ZNF689: variants seen among roughly 807,000 people sequenced by gnomAD.
The protein encoded by ZNF689 is short ORF-encoded histone-binding protein.
In ZNF689, 14 loss-of-function variants were observed where a neutral mutation model predicts 37.2. The observed-to-expected ratio is 0.38, with a 90% CI of 0.25 to 0.59. ZNF689 has a LOEUF of 0.59. ZNF689 is among the 20% of genes least tolerant of loss of function. ZNF689 has a pLI of 0.68. For missense variants in ZNF689, 573 were observed against 700.2 expected (o/e 0.82, Z 2.05); for synonymous variants, 277 against 283.3 (o/e 0.98, Z 0.22).
At chr16:30,609,295 A>G in intron 2 of ZNF689, 1 of 364,856 alleles carries the variant, frequency 2.7e-6, no homozygotes, top group South Asian at 7.0e-5. Flanking sequence ...AAAAAGACGA[A>G]GAATAAGCCC....
rs892547912 is a variant in ZNF689, at chr16:30,602,567, C to G, written c.*1697G>C. The G allele has an allele frequency of 1.3e-5, 2 of 152,188 alleles. No homozygotes were observed. Among genetic ancestry groups the G allele is most frequent in the African/African-American group, 4.8e-5 (2 of 41,440 alleles). 9.4% of individuals were successfully genotyped at this position (152,188 alleles called of 1,614,324 possible). ...TCCACAAGGAACAGAATTCATTCAT[C>G]AGACATTTTAATGAGACCCAATCTG... is the stretch of plus-strand genomic sequence containing the variant. On this transcript the variant is annotated 3_prime_UTR_variant, in exon 3 of 3. Transcript: ENST00000287461.
rs762200703 is a variant in ZNF689 at position 30,609,507 on chromosome 16, T to A, written c.319+18A>T. On this transcript the variant is annotated intron_variant, in intron 2 of 2. Coordinates refer to ENST00000287461, the MANE Select transcript of ZNF689 (RefSeq NM_138447.3). ...TTATAGGAGGGCTGCAGGCTCTGCG[T>A]GGTTATTTAGCACTCACTTCTCTGG... 2 of 1,607,778 alleles carry A rather than the reference T, an allele frequency of 1.2e-6. No individual in the cohort carries two copies. Among genetic ancestry groups the A allele is most frequent in the Non-Finnish European group, 1.7e-6 (2 of 1,174,502 alleles).
chr16:30,604,327 CTTGGGGCT>C lies in ZNF689; in HGVS notation c.1432_1439del (p.Ser478GlyfsTer5). 1 of 1,613,956 alleles carries C rather than the reference CTTGGGGCT, an allele frequency of 6.2e-7. No individual in the cohort carries two copies. Among genetic ancestry groups the C allele is most frequent in the Non-Finnish European group, 8.5e-7 (1 of 1,179,972 alleles). ...CAGATCTAGGGCTACAGTTTGGGGC[CTTGGGGCT>C]ACACTTGTGGACAGCCAGAGACCAC... is the stretch of plus-strand genomic sequence containing the variant. On this transcript the variant is annotated frameshift_variant, in exon 3 of 3. Transcript: ENST00000287461. LOFTEE classifies it low-confidence loss of function (END_TRUNC). This position sits in a 1 kb window ranked among gnomAD's most constrained non-coding sequence, Gnocchi z 5.2.
At chr16:30,609,372 C>T in intron 2 of ZNF689, 153 bp downstream of exon 2, 1 of 605,130 alleles carries the variant, frequency 1.7e-6, no homozygotes. Context: ...GTGTGGTGGA[C>T]CGGCCCCACA....
At position 30,609,853 on chromosome 16, in the gene ZNF689, A is replaced by G; in HGVS notation, c.189T>C (p.Gly63=). 6.2e-7 allele frequency: 1 copy of G among 1,607,362 alleles called. No homozygotes were observed. Among genetic ancestry groups the G allele is most frequent in the Non-Finnish European group, 8.5e-7 (1 of 1,177,820 alleles). ...CGGCCTCACCGAGCGCGCCCAGGTG[A>G]CCGTAGGTCTCCCGCATCACGTCCC... ...LYRDVMRETY[G]HLGALGCAGP... The change falls in exon 1 of 3, where the codon GGT becomes GGC. Residue 63 remains glycine, a synonymous_variant. Coordinates refer to ENST00000287461, the MANE Select transcript of ZNF689 (RefSeq NM_138447.3).
intron 2 of ZNF689, among the ~76,000 whole-genome samples, chr16:30,607,375 G>A (rs948782677): frequency 1.3e-5 from 2 of 150,886 alleles, no homozygotes; most frequent in African/African-American, 4.9e-5. Context: ...GGCGGACTGT[G>A]AGGTCAGGAG....
Position 30,605,197 on chromosome 16 carries a change from G to A in ZNF689, c.570C>T (p.Ser190=), listed in dbSNP as rs2052024041. Residue 190 remains serine, a synonymous_variant, in exon 3 of 3, where the codon TCC becomes TCT. Coordinates refer to ENST00000287461, the MANE Select transcript of ZNF689 (RefSeq NM_138447.3). The surrounding 1 kb of genome is among the most constrained non-coding windows in gnomAD (Gnocchi z 5.1). ...GTGCCCGCCGGTGACTGACCAGCAG[G>A]GATGGATAGGAAAAGCGGCGCCCAC... is the stretch of plus-strand genomic sequence containing the variant. The part of the protein sequence containing the change: ...PDCGRRFSYP[S]LLVSHRRAHS... The A allele has an allele frequency of 6.2e-7, 1 of 1,614,168 alleles. No homozygotes were observed. The highest frequency in any genetic ancestry group is 1.3e-5 in the African/African-American group (1 of 75,046).
rs2052028222 is a variant in ZNF689, at chr16:30,605,538, C to G, written c.320-91G>C. 7.4e-7 allele frequency: 1 copy of G among 1,347,598 alleles called. No individual in the cohort carries two copies. Among genetic ancestry groups the G allele is most frequent in the Non-Finnish European group, 1.0e-6 (1 of 983,300 alleles). The allele number at this position is 1,347,598 out of a possible 1,614,324, so 83.5% of individuals were successfully genotyped here. On this transcript the variant is annotated intron_variant, in intron 2 of 2. Coordinates refer to ENST00000287461, the MANE Select transcript of ZNF689 (RefSeq NM_138447.3). The surrounding 1 kb of genome is among the most constrained non-coding windows in gnomAD (Gnocchi z 5.1). ...GGTTACAAGACCAATAGACTCACCCCCTGGTCTCAATTCCTAGTGCCACAG... is the reference window on the plus strand; with the variant it reads ...GGTTACAAGACCAATAGACTCACCCGCTGGTCTCAATTCCTAGTGCCACAG...
intron 2 of ZNF689, among the ~76,000 whole-genome samples, chr16:30,607,211 T>G (rs2052044149): frequency 7.5e-6 from 1 of 132,918 alleles, no homozygotes; most frequent in Non-Finnish European, 1.5e-5. Context: ...ATCACGCCAT[T>G]GCACTCCAGC....
Position 30,603,975 on chromosome 16 carries a change from A to C in ZNF689, c.*289T>G, listed in dbSNP as rs569526488. 1 of 562,746 alleles carries C rather than the reference A, an allele frequency of 1.8e-6. No individual in the cohort carries two copies. Among genetic ancestry groups the C allele is most frequent in the African/African-American group, 1.9e-5 (1 of 53,974 alleles). 34.9% of individuals were successfully genotyped at this position (562,746 alleles called of 1,614,324 possible). ...CCCTGTGTGGACAGACTAGAAAAGC[A>C]GACAGCCCCTAAAATAGATGGGGAG... is the stretch of plus-strand genomic sequence containing the variant. On this transcript the variant is annotated 3_prime_UTR_variant, in exon 3 of 3. Coordinates refer to ENST00000287461, the MANE Select transcript of ZNF689 (RefSeq NM_138447.3).
chr16:30,609,746 T>C, intron 1 of ZNF689, 91 bp downstream of exon 1: 1 of 1,575,132 alleles, frequency 6.3e-7, no homozygotes, highest in Non-Finnish European at 8.6e-7. Flanking sequence ...GACAACCTGG[T>C]CGCCTGCCAG....
chr16:30,605,480 T>C lies in ZNF689; in HGVS notation c.320-33A>G. The stretch of plus-strand genomic sequence containing the variant: ...AATACAGAAGCATTAATTTAACAAA[T>C]ACTGGGCTCCTGCTCTTGTCAATTA... On this transcript the variant is annotated intron_variant, in intron 2 of 2. Transcript: ENST00000287461. The surrounding 1 kb of genome is among the most constrained non-coding windows in gnomAD (Gnocchi z 5.1). 6.3e-7 allele frequency: 1 copy of C among 1,592,224 alleles called. No homozygotes were observed. Among genetic ancestry groups the C allele is most frequent in the Non-Finnish European group, 8.5e-7 (1 of 1,169,692 alleles).
rs764153758 is a variant in ZNF689 at position 30,604,662 on chromosome 16, C to T, written c.1105G>A (p.Gly369Arg). The T allele has an allele frequency of 1.9e-6, 3 of 1,611,232 alleles. No individual in the cohort carries two copies. The highest frequency in any genetic ancestry group is 2.7e-5 in the African/African-American group (2 of 74,980). Residue 369 changes from glycine (G) to arginine (R), a missense_variant, in exon 3 of 3, where the codon GGA becomes AGA. Transcript: ENST00000287461. This position sits in a 1 kb window ranked among gnomAD's most constrained non-coding sequence, Gnocchi z 5.2. ...TLLQHQLLHT[G>R]EKPYPCPDCG... ...TCTGGGCAGGGGTAGGGCTTCTCTC[C>T]GGTGTGCAAGAGCTGGTGCTGGAGC... is the stretch of plus-strand genomic sequence containing the variant.
intron 2 of ZNF689, among the ~76,000 whole-genome samples, chr16:30,606,207 G>A (rs940854731): frequency 3.3e-5 from 5 of 152,014 alleles, no homozygotes; most frequent in African/African-American, 1.2e-4. Flanking sequence ...GGAAGGCTGA[G>A]GTAGAGGATT....
chr16:30,604,804 G>C lies in ZNF689; in HGVS notation c.963C>G (p.Asp321Glu). 3 of 1,609,800 alleles carry C rather than the reference G, an allele frequency of 1.9e-6. No homozygotes were observed. The highest frequency in any genetic ancestry group is 2.5e-6 in the Non-Finnish European group (3 of 1,177,640). The change falls in exon 3 of 3, where the codon GAC (aspartate) becomes GAG (glutamate). Residue 321 changes from aspartate to glutamate, a missense_variant. By Grantham distance (45) the Asp-to-Glu change is conservative. Transcript: ENST00000287461. The surrounding 1 kb of genome is among the most constrained non-coding windows in gnomAD (Gnocchi z 5.2). ...HTGEKPYPCP[D>E]CERRFSSSSR... is the part of the protein sequence containing the mutation. ...AGGAGGAGGAGAAGCGCCGCTCGCA[G>C]TCCGGGCACGGGTAGGGCTTCTCGC...
chr16:30,610,100 G>T lies in ZNF689; in HGVS notation c.-59C>A. 6.6e-7 allele frequency: 1 copy of T among 1,518,902 alleles called. No homozygotes were observed. Among genetic ancestry groups the T allele is most frequent in the Non-Finnish European group, 8.8e-7 (1 of 1,132,810 alleles). The allele number at this position is 1,518,902 out of a possible 1,614,324, so 94.1% of individuals were successfully genotyped here. A position where few individuals can be genotyped will look rare whatever the true frequency, so the allele number is the denominator to read the frequency against. ...GTCCAGGCCTCGGCCCTCGGGCGCT[G>T]GCGGCCCCTGGGATCGAGGAGCCCC... On this transcript the variant is annotated 5_prime_UTR_variant, in exon 1 of 3. Coordinates refer to ENST00000287461, the MANE Select transcript of ZNF689 (RefSeq NM_138447.3).
At position 30,610,086 on chromosome 16, in the gene ZNF689, G is replaced by T. The variant is rs766436078; in HGVS notation, c.-45C>A. 2 of 1,535,050 alleles carry T rather than the reference G, an allele frequency of 1.3e-6. No homozygotes were observed. The highest frequency in any genetic ancestry group is 4.9e-5 in the East Asian group (2 of 40,866). On this transcript the variant is annotated 5_prime_UTR_variant, in exon 1 of 3. Coordinates refer to ENST00000287461, the MANE Select transcript of ZNF689 (RefSeq NM_138447.3). The stretch of plus-strand genomic sequence containing the variant: ...CCACGGCCTTCCGTGTCCAGGCCTC[G>T]GCCCTCGGGCGCTGGCGGCCCCTGG...
intron 2 of ZNF689, among the ~76,000 whole-genome samples, chr16:30,607,565 T>TG (rs2052048225): frequency 6.6e-6 from 1 of 150,792 alleles, no homozygotes; most frequent in African/African-American, 2.4e-5. Context: ...CACTCCAGCC[T>TG]GGGTGGAAGA....
At chr16:30,609,426 C>A in intron 2 of ZNF689, 99 bp downstream of exon 2, 3 of 996,426 alleles carry the variant, frequency 3.0e-6, no homozygotes, top group Non-Finnish European at 3.1e-6. Context: ...ACTAAATACG[C>A]GGCACCCACC....
Sources: gnomAD v4.1 joint callset for allele counts (sites outside exome capture counted in the v4.1 genomes callset) on GRCh38, gnomAD v4.1.1 for gene constraint, Gnocchi (gnomAD v3.1) non-coding constraint, MANE v1.5 for transcripts, NCBI Gene and HGNC (gene_info 2026-07-23, HGNC 2026-07-21) for gene names.